KALRN: variants seen among roughly 807,000 people sequenced by gnomAD.
The protein encoded by KALRN is kalirin.
KALRN carries 70 observed loss-of-function variants against 353.7 expected under a neutral mutation model. The observed-to-expected ratio is 0.20, with a 90% CI of 0.16 to 0.24. The LOEUF is 0.24. Among genes scored for constraint, KALRN ranks in the 10% least tolerant of loss-of-function variants. The pLI is 1.00. For synonymous variants in KALRN, 1,391 were observed against 1,434.8 expected, an observed-to-expected ratio of 0.97 and a Z score of 0.69; for missense variants, 2,791 against 3,756.7, an observed-to-expected ratio of 0.74 and a Z score of 6.72.
At chr3:124,590,714 C>T (rs2075686299) in intron 34 of KALRN, among the ~76,000 whole-genome samples, 1 of 152,132 alleles carries the variant, frequency 6.6e-6, no homozygotes, top group South Asian at 2.1e-4. Context: ...CTGCCCCTTC[C>T]TTCAGACCTA....
At chr3:124,254,853 C>T in intron 3 of KALRN, among the ~76,000 whole-genome samples, 1 of 152,170 alleles carries the variant, frequency 6.6e-6, no homozygotes, top group East Asian at 1.9e-4. Context: ...ATTTCTGCTT[C>T]CTCCCCTGGC....
intron 11 of KALRN, among the ~76,000 whole-genome samples, chr3:124,393,439 G>T (rs2089756033): frequency 6.6e-6 from 1 of 152,148 alleles, no homozygotes; most frequent in Non-Finnish European, 1.5e-5. Flanking sequence ...GTTTTATGCT[G>T]ATTTGAAATT....
chr3:124,487,764 G>A (rs933580736), intron 28 of KALRN, among the ~76,000 whole-genome samples: 2 of 152,244 alleles, frequency 1.3e-5, no homozygotes, highest in Admixed American at 1.3e-4. Context: ...GGTGTCAGCA[G>A]TAAGCATGCA....
intron 34 of KALRN, among the ~76,000 whole-genome samples, chr3:124,623,427 C>CACACACACACACACACACACACAA (rs139583497): frequency 2.7e-5 from 4 of 147,126 alleles, no homozygotes; most frequent in East Asian, 3.9e-4. Context: ...CACACACACA[C>CACACACACACACACACACACACAA]AAAAGGGAGT....
intron 32 of KALRN, among the ~76,000 whole-genome samples, chr3:124,495,965 G>GTATATATATATATGTGTA (rs2063708500): frequency 2.4e-5 from 1 of 41,478 alleles, no homozygotes; most frequent in Non-Finnish European, 3.9e-5. Flanking sequence ...GTGTATGTAT[G>GTATATATATATATGTGTA]TATATATATA....
chr3:124,470,482 T>C (rs1462475795), intron 25 of KALRN, among the ~76,000 whole-genome samples: 1 of 152,176 alleles, frequency 6.6e-6, no homozygotes, highest in Non-Finnish European at 1.5e-5. Context: ...GTAATGAATA[T>C]CTTATTCAAA....
At chr3:124,322,050 T>C (rs1040780970) in intron 6 of KALRN, among the ~76,000 whole-genome samples, 4 of 152,192 alleles carry the variant, frequency 2.6e-5, no homozygotes, top group Non-Finnish European at 4.4e-5. Flanking sequence ...AGTCTGAGCA[T>C]CTCAGATGAG....
At chr3:124,369,850 A>T (rs1034848457) in intron 10 of KALRN, among the ~76,000 whole-genome samples, 5 of 151,844 alleles carry the variant, frequency 3.3e-5, no homozygotes, top group Admixed American at 6.6e-5. Flanking sequence ...TCCACATATA[A>T]GTGAGATCAT....
chr3:124,487,961 C>T (rs1412309543), intron 28 of KALRN, among the ~76,000 whole-genome samples: 1 of 152,144 alleles, frequency 6.6e-6, no homozygotes, highest in Non-Finnish European at 1.5e-5. Flanking sequence ...CAGGTCAAGC[C>T]ATTTGGGAGT....
At chr3:124,240,516 A>G (rs1317843517) in intron 3 of KALRN, among the ~76,000 whole-genome samples, 1 of 152,194 alleles carries the variant, frequency 6.6e-6, no homozygotes, top group Non-Finnish European at 1.5e-5. Context: ...GCTGCCTGAC[A>G]GGAACTGTGG....
chr3:124,313,003 T>C (rs956533849), intron 6 of KALRN, among the ~76,000 whole-genome samples: 4 of 152,196 alleles, frequency 2.6e-5, no homozygotes, highest in Non-Finnish European at 4.4e-5. Flanking sequence ...TATTTGAGCA[T>C]CAAGGATGCA....
chr3:124,134,888 G>T (rs940196980), intron 1 of KALRN, among the ~76,000 whole-genome samples: 104 of 152,274 alleles, frequency 6.8e-4, no homozygotes, highest in African/African-American at 2.4e-3. Flanking sequence ...AGACATTGGC[G>T]TGGATGCGGT....
intron 1 of KALRN, among the ~76,000 whole-genome samples, chr3:124,166,853 A>G (rs985799237): frequency 1.3e-5 from 2 of 152,222 alleles, no homozygotes; most frequent in East Asian, 3.9e-4. Context: ...AGCCTAGCCA[A>G]CATGGTAAAA....
At chr3:124,082,360 T>A (rs1159643630) in intron 1 of KALRN, 1 of 469,792 alleles carries the variant, frequency 2.1e-6, no homozygotes, top group East Asian at 6.9e-5. Context: ...TTCCTATTTT[T>A]TCCTTCAATG....
chr3:124,045,073 A>G (rs1452073863), intron 1 of KALRN, among the ~76,000 whole-genome samples: 3 of 152,114 alleles, frequency 2.0e-5, no homozygotes, highest in Admixed American at 1.3e-4. Flanking sequence ...CCCAGGGACA[A>G]TGGGCATCTA....
At chr3:124,408,444 C>A (rs1560838324) in intron 13 of KALRN, among the ~76,000 whole-genome samples, 1 of 152,314 alleles carries the variant, frequency 6.6e-6, no homozygotes, top group African/African-American at 2.4e-5. Context: ...CTACCACCAC[C>A]AGCTCTGAGA....
chr3:124,556,725 A>G (rs2071301966), intron 33 of KALRN, among the ~76,000 whole-genome samples: 1 of 152,176 alleles, frequency 6.6e-6, no homozygotes, highest in Non-Finnish European at 1.5e-5. Flanking sequence ...TGTTGATGTT[A>G]TCATTACTTT....
chr3:124,531,397 A>G (rs2068031655), intron 33 of KALRN, among the ~76,000 whole-genome samples: 1 of 152,246 alleles, frequency 6.6e-6, no homozygotes. Flanking sequence ...GTGAATTTCC[A>G]ATTTACACCT....
intron 39 of KALRN, 117 bp downstream of exon 39, chr3:124,655,784 C>A: frequency 2.9e-6 from 2 of 698,066 alleles, no homozygotes; most frequent in Non-Finnish European, 2.6e-6. Context: ...TGAGCACTTG[C>A]AGAAATGAAA....
Sources: allele counts gnomAD v4.1 joint callset (sites outside exome capture counted in the v4.1 genomes callset), GRCh38; gene constraint gnomAD v4.1.1; transcripts MANE v1.5; gene names NCBI Gene and HGNC (gene_info 2026-07-23, HGNC 2026-07-21).